The following TET1 variants were observed in gnomAD, a reference collection of about 807,000 sequenced individuals.
TET1 encodes tet methylcytosine dioxygenase 1, also known as methylcytosine dioxygenase TET1.
A neutral mutation model predicts 148.7 loss-of-function variants in TET1; 13 were observed. That is an observed-to-expected ratio of 0.09 (90% CI 0.06 to 0.14). The LOEUF is 0.14. TET1 is among the 10% of genes least tolerant of loss of function. The probability of loss-of-function intolerance (pLI) is 1.00; values close to 1 mark genes in which losing one functional copy is unlikely to be tolerated. For synonymous variants in TET1, 907 were observed against 937.2 expected, an observed-to-expected ratio of 0.97 and a Z score of 0.59; for missense variants, 2,182 against 2,553.8, an observed-to-expected ratio of 0.85 and a Z score of 3.14.
At chr10:68,572,138 T>C (rs1367915174) in intron 1 of TET1, 79 bp from the exon 2 acceptor site, 5 of 532,318 alleles carry the variant, frequency 9.4e-6, no homozygotes, top group Non-Finnish European at 1.6e-5. Context: ...AATAAAACAA[T>C]TAGTAGTGAA....
chr10:68,686,882 C>T (rs1239794321), intron 11 of TET1, among the ~76,000 whole-genome samples, 175 bp downstream of exon 11: 1 of 151,386 alleles, frequency 6.6e-6, no homozygotes, highest in Non-Finnish European at 1.5e-5. Context: ...GTAACTTTTT[C>T]GACTTATCCT....
At chr10:68,680,020 G>T (rs1375557999) in intron 8 of TET1, among the ~76,000 whole-genome samples, 1 of 152,134 alleles carries the variant, frequency 6.6e-6, no homozygotes, top group East Asian at 1.9e-4. Flanking sequence ...AAAGTAGCCT[G>T]ATTAACAGAC....
At chr10:68,643,278 A>AAG (rs2054787812) in intron 3 of TET1, among the ~76,000 whole-genome samples, 1 of 150,758 alleles carries the variant, frequency 6.6e-6, no homozygotes, top group South Asian at 2.1e-4. Context: ...AAAAAAAAAA[A>AAG]AATGAAAGAA....
In TET1 at chr10:68,656,870, CA is replaced by C. The variant is rs528337921; in HGVS notation, c.4461+4282del. Among the ~76,000 whole-genome samples, 10 of 151,668 alleles carry C rather than the reference CA, an allele frequency of 6.6e-5. No homozygotes were observed. In the South Asian group the frequency reaches 2.1e-3, roughly 32 times the overall value. Reference sequence around the variant, plus strand: ...GTGAAACTCCGTCTCTAGTAAAATACAAAAAATTAGCCAGACATGGTGGCAC... The same window carrying C: ...GTGAAACTCCGTCTCTAGTAAAATACAAAAATTAGCCAGACATGGTGGCAC... On this transcript the variant is annotated intron_variant, in intron 6 of 11. Transcript: ENST00000373644.
At chr10:68,591,832 G>C (rs1467180339) in intron 2 of TET1, among the ~76,000 whole-genome samples, 3 of 152,010 alleles carry the variant, frequency 2.0e-5, no homozygotes, top group Non-Finnish European at 4.4e-5. Context: ...GTGAACCCAA[G>C]AGGCAGAGCT....
In TET1 at chr10:68,667,051, A is replaced by C; in HGVS notation, c.4468A>C (p.Arg1490=). Residue 1490 remains arginine, a synonymous_variant, in exon 7 of 12, where the codon AGA becomes CGA. Coordinates refer to ENST00000373644, the MANE Select transcript of TET1 (RefSeq NM_030625.3). ...HGCPIAKWVL[R]RSSDEEKVLC... ...ATGTATTCTGTTTTTTCAGGTTTTAAGAAGAAGCAGTGATGAAGAAAAAGT... is the reference window on the plus strand; with the variant it reads ...ATGTATTCTGTTTTTTCAGGTTTTACGAAGAAGCAGTGATGAAGAAAAAGT... The C allele has an allele frequency of 6.2e-7, 1 of 1,613,150 alleles. No individual in the cohort carries two copies. Among genetic ancestry groups the C allele is most frequent in the Non-Finnish European group, 8.5e-7 (1 of 1,179,558 alleles).
At position 68,646,089 on chromosome 10, in the gene TET1, G is replaced by C. The variant is rs758874383; in HGVS notation, c.3360G>C (p.Lys1120Asn). ...TACAGCAAAAATACAATCAGGAGAA[G>C]GGCACAATACAACAGAAACCACCTT... ...CNVQQKYNQE[K>N]GTIQQKPPSS... The change falls in exon 4 of 12, where the codon AAG becomes AAC. Residue 1120 changes from lysine to asparagine, a missense_variant. By Grantham distance (94) the Lys-to-Asn change is moderately conservative. Transcript: ENST00000373644. 3.1e-6 allele frequency: 5 copies of C among 1,613,846 alleles called. No homozygotes were observed. The African/African-American group carries it at 6.7e-5, about 22-fold the overall frequency.
At position 68,600,997 on chromosome 10, in the gene TET1, A is replaced by G. The variant is rs747726744; in HGVS notation, c.1931A>G (p.Lys644Arg). The G allele has an allele frequency of 2.5e-6, 4 of 1,604,720 alleles. No individual in the cohort carries two copies. The highest frequency in any genetic ancestry group is 2.3e-5 in the South Asian group (2 of 87,964). Residue 644 changes from lysine to arginine, a missense_variant, in exon 3 of 12, where the codon AAG (lysine) becomes AGG (arginine). Physicochemically the swap from Lys to Arg is conservative, Grantham distance 26. This residue lies in a region of TET1 where 226 missense variants were observed against 307.4 expected (regional missense o/e 0.74). Coordinates refer to ENST00000373644, the MANE Select transcript of TET1 (RefSeq NM_030625.3). ...VVPLEVIKENKRPQREKKPKV... is the reference protein window; with the variant it reads ...VVPLEVIKENRRPQREKKPKV... ...TTTTTTTAGGTTATAAAGGAAAACA[A>G]GAGGCCCCAGAGGGAAAAGAAGCCC...
At chr10:68,681,349 C>A in intron 8 of TET1, 50 bp from the exon 9 acceptor site, 2 of 1,191,110 alleles carry the variant, frequency 1.7e-6, no homozygotes, top group Non-Finnish European at 2.5e-6. Context: ...GTACCTTAAA[C>A]ACATGAAGGT....
chr10:68,562,210 C>G (rs1241188293), intron 1 of TET1, among the ~76,000 whole-genome samples: 1 of 151,958 alleles, frequency 6.6e-6, no homozygotes. Flanking sequence ...GGCGTCCCCA[C>G]CCCCAATATA....
chr10:68,664,476 T>C (rs2055167512), intron 6 of TET1, among the ~76,000 whole-genome samples: 1 of 150,992 alleles, frequency 6.6e-6, no homozygotes, highest in African/African-American at 2.4e-5. Context: ...TGGCGAGATC[T>C]GGGCTTACTG....
intron 3 of TET1, among the ~76,000 whole-genome samples, chr10:68,635,401 C>G (rs1262261936): frequency 6.6e-6 from 1 of 152,036 alleles, no homozygotes; most frequent in Non-Finnish European, 1.5e-5. Flanking sequence ...TGAGACCAGC[C>G]TGGGCAACAT....
At chr10:68,627,345 G>A (rs939545350) in intron 3 of TET1, among the ~76,000 whole-genome samples, 2 of 134,816 alleles carry the variant, frequency 1.5e-5, no homozygotes, top group African/African-American at 2.5e-5. Context: ...GGGAGGCAGA[G>A]GTTGCAGTGA....
At chr10:68,643,261 C>CA (rs59820865) in intron 3 of TET1, among the ~76,000 whole-genome samples, 4,193 of 91,816 alleles carry the variant, frequency 0.046, 330 homozygotes, top group African/African-American at 0.065. Context: ...GACCCTGTCT[C>CA]AAAAAAAAAA....
chr10:68,608,193 G>T (rs186790982), intron 3 of TET1, among the ~76,000 whole-genome samples: 2 of 152,248 alleles, frequency 1.3e-5, no homozygotes, highest in East Asian at 3.9e-4. Flanking sequence ...CTCCCAAAGT[G>T]CTGGGATTAT....
At chr10:68,574,357 G>A (rs1192085145) in intron 2 of TET1, 105 bp downstream of exon 2, 6 of 866,166 alleles carry the variant, frequency 6.9e-6, no homozygotes, top group Non-Finnish European at 1.0e-5. Context: ...ATAGTGAATT[G>A]CTTCACTATT....
chr10:68,598,755 G>A (rs1336698198), intron 2 of TET1, among the ~76,000 whole-genome samples: 9 of 149,144 alleles, frequency 6.0e-5, no homozygotes, highest in Non-Finnish European at 1.2e-4. Context: ...GCTGGAGTGC[G>A]GTGGTGCTCA....
chr10:68,602,383 A>G (rs1034863802), intron 3 of TET1, among the ~76,000 whole-genome samples: 8 of 152,136 alleles, frequency 5.3e-5, no homozygotes, highest in Non-Finnish European at 2.9e-5. Flanking sequence ...GGCTATATCC[A>G]TCTCAGGCAT....
chr10:68,575,109 T>C (rs576387032), intron 2 of TET1, among the ~76,000 whole-genome samples: 1 of 152,294 alleles, frequency 6.6e-6, no homozygotes, highest in Admixed American at 6.5e-5. Flanking sequence ...GTAGGCCTGG[T>C]GTGGTGGCTT....
Sources: gnomAD v4.1 joint callset for allele counts (sites outside exome capture counted in the v4.1 genomes callset) on GRCh38, gnomAD v4.1.1 for gene constraint, gnomAD v4.1.1 regional missense constraint, MANE v1.5 for transcripts, NCBI Gene and HGNC (gene_info 2026-07-23, HGNC 2026-07-21) for gene names.